RIPOR3: variants seen among roughly 807,000 people sequenced by gnomAD.
RIPOR3 encodes the protein family with sequence similarity 65 member C.
In RIPOR3, 95 loss-of-function variants were observed where a neutral mutation model predicts 114.3. The observed-to-expected ratio is 0.83, with a 90% CI of 0.70 to 0.99. The LOEUF is 0.99. RIPOR3 is among the 50% of genes least tolerant of loss of function. The pLI is 0.00. For synonymous variants in RIPOR3, 575 were observed against 543.8 expected (o/e 1.06, Z -0.80); for missense variants, 1,252 against 1,266.9 (o/e 0.99, Z 0.18).
chr20:50,616,056 A>T lies in RIPOR3; in HGVS notation c.294T>A (p.Ala98=), dbSNP rs778033390. ...GLKEYLCVQQ[A]ELDHLSGRHK... ...GGCGTCCAGACAGGTGGTCCAGCTCAGCCTGCTGCACACACAGATACTCCC... is the reference window on the plus strand; with the variant it reads ...GGCGTCCAGACAGGTGGTCCAGCTCTGCCTGCTGCACACACAGATACTCCC... The change falls in exon 4 of 22, where the codon GCT becomes GCA. Residue 98 remains alanine (A), a synonymous_variant. Coordinates refer to ENST00000327979, the MANE Select transcript of RIPOR3 (RefSeq NM_001290268.2). 6 of 1,611,980 alleles carry T rather than the reference A, an allele frequency of 3.7e-6. No homozygotes were observed. The East Asian group carries it at 1.3e-4, about 36-fold the overall frequency.
intron 6 of RIPOR3, among the ~76,000 whole-genome samples, chr20:50,609,938 T>A (rs6020634): frequency 2.0e-5 from 3 of 149,208 alleles, no homozygotes; most frequent in South Asian, 2.1e-4. Context: ...CACATCTGCC[T>A]CACCTGCCTC....
At chr20:50,622,674 C>T (rs1344671724) in intron 2 of RIPOR3, among the ~76,000 whole-genome samples, 2 of 151,492 alleles carry the variant, frequency 1.3e-5, no homozygotes, top group Non-Finnish European at 2.9e-5. Context: ...CCCTCATCCA[C>T]CCCTTGGCTC....
intron 1 of RIPOR3, among the ~76,000 whole-genome samples, chr20:50,641,375 C>T (rs962000432): frequency 5.3e-5 from 8 of 152,072 alleles, no homozygotes; most frequent in East Asian, 3.9e-4. Flanking sequence ...CCACTGCACC[C>T]GGCTAATTTT....
chr20:50,600,169 C>T (rs1401270223), intron 13 of RIPOR3, among the ~76,000 whole-genome samples: 1 of 152,150 alleles, frequency 6.6e-6, no homozygotes, highest in Non-Finnish European at 1.5e-5. Context: ...TCCCAAAGTG[C>T]TGGGATTACA....
intron 1 of RIPOR3, among the ~76,000 whole-genome samples, chr20:50,638,743 A>G (rs114461889): frequency 4.8e-4 from 73 of 152,176 alleles, no homozygotes; most frequent in African/African-American, 1.5e-3. Flanking sequence ...GGCCTCCAAG[A>G]AGCACAGGCT....
intron 2 of RIPOR3, chr20:50,620,636 TAAATAAATAAATAAATAAATAA>T (rs2084365158): frequency 1.5e-4 from 1 of 6,644 alleles, no homozygotes; most frequent in Non-Finnish European, 2.8e-4. Flanking sequence ...TAAAAATAAA[TAAATAAATAAATAAATAAATAA>T]ATAAATAAAT....
Position 50,604,768 on chromosome 20 carries a change from A to C in RIPOR3, c.963T>G (p.Phe321Leu), listed in dbSNP as rs1255141016. ...GTGACACCAGGAAGCTCTCAGTATC[A>C]AACGGGCTGGAGGAGAGAACAGAAG... is the stretch of plus-strand genomic sequence containing the variant. ...KLQLEVQWNP[F>L]DTESFLVSPS... The change falls in exon 12 of 22, where the codon TTT becomes TTG. Residue 321 changes from phenylalanine (F) to leucine (L), a missense_variant. By Grantham distance (22) the Phe-to-Leu change is conservative (BLOSUM62 0). Transcript: ENST00000327979. 1.9e-6 allele frequency: 3 copies of C among 1,608,230 alleles called. No homozygotes were observed. In the Admixed American group the frequency reaches 5.2e-5, roughly 28 times the overall value.
At chr20:50,685,930 G>T (rs2087005357) in intron 1 of RIPOR3, among the ~76,000 whole-genome samples, 1 of 151,866 alleles carries the variant, frequency 6.6e-6, no homozygotes, top group Non-Finnish European at 1.5e-5. Context: ...GACACCTGTT[G>T]GTTGAAAGAA....
chr20:50,622,457 C>T (rs1430298938), intron 2 of RIPOR3, among the ~76,000 whole-genome samples: 1 of 152,140 alleles, frequency 6.6e-6, no homozygotes, highest in Non-Finnish European at 1.5e-5. Flanking sequence ...ACTAGGATTA[C>T]AGGTGTGAGC....
At position 50,609,665 on chromosome 20, in the gene RIPOR3, T is replaced by C; in HGVS notation, c.484A>G (p.Ser162Gly). 7.2e-7 allele frequency: 1 copy of C among 1,394,290 alleles called. No homozygotes were observed. 86.4% of individuals were successfully genotyped at this position (1,394,290 alleles called of 1,614,324 possible). A position where few individuals can be genotyped will look rare whatever the true frequency, so the allele number is the denominator to read the frequency against. Reference sequence around the variant, plus strand: ...CACCGGGCGAAGGCCCGCTGCATGCTGGAGGCGCCGTCGCGCAGGCGGCAC... The same window carrying C: ...CACCGGGCGAAGGCCCGCTGCATGCCGGAGGCGCCGTCGCGCAGGCGGCAC... ...IQCRLRDGAS[S>G]MQRAFARCPP... Residue 162 changes from serine to glycine, a missense_variant, in exon 7 of 22, where the codon AGC becomes GGC. By Grantham distance (56) the Ser-to-Gly change is moderately conservative. Coordinates refer to ENST00000327979, the MANE Select transcript of RIPOR3 (RefSeq NM_001290268.2).
chr20:50,620,006 T>G lies in RIPOR3; in HGVS notation c.249A>C (p.Glu83Asp). Residue 83 changes from glutamate (E) to aspartate (D), a missense_variant, in exon 3 of 22, where the codon GAA becomes GAC. By Grantham distance (45) the Glu-to-Asp change is conservative. Transcript: ENST00000327979. ...PKPQQVKKIFEALKRGLKEYL... is the reference protein window; with the variant it reads ...PKPQQVKKIFDALKRGLKEYL... ...CTTACTTGAGGCCTCTTTTCAATGC[T>G]TCGAAGATCTTCTTCACCTGCTGGG... The G allele has an allele frequency of 6.2e-7, 1 of 1,612,966 alleles. No individual in the cohort carries two copies. The highest frequency in any genetic ancestry group is 2.2e-5 in the East Asian group (1 of 44,836).
At chr20:50,603,636 C>G (rs2083584007) in intron 12 of RIPOR3, among the ~76,000 whole-genome samples, 1 of 152,204 alleles carries the variant, frequency 6.6e-6, no homozygotes, top group Non-Finnish European at 1.5e-5. Context: ...AGGTTGCCGG[C>G]CCTATTCCAG....
chr20:50,646,850 A>C (rs1282942957), intron 1 of RIPOR3, among the ~76,000 whole-genome samples: 1 of 152,264 alleles, frequency 6.6e-6, no homozygotes, highest in Non-Finnish European at 1.5e-5. Context: ...TTATTTGCCA[A>C]ACATTCTTGC....
intron 1 of RIPOR3, among the ~76,000 whole-genome samples, chr20:50,665,523 C>T (rs1015957259): frequency 6.8e-6 from 1 of 146,758 alleles, no homozygotes; most frequent in Non-Finnish European, 1.5e-5. Flanking sequence ...CGGGTTCAAG[C>T]AATTCTCCTG....
intron 18 of RIPOR3, 35 bp from the exon 19 acceptor site, chr20:50,592,581 TGAATGGGA>T (rs2083149186): frequency 4.2e-6 from 6 of 1,436,514 alleles, no homozygotes; most frequent in Non-Finnish European, 5.5e-6. Flanking sequence ...CCAGGTCCCC[TGAATGGGA>T]GTTTGGCAGG....
intron 1 of RIPOR3, among the ~76,000 whole-genome samples, chr20:50,666,311 G>A (rs573443588): frequency 3.3e-4 from 49 of 149,184 alleles, no homozygotes; most frequent in Admixed American, 5.5e-4. Flanking sequence ...CGCAATCTCC[G>A]TCTCCCGGGT....
chr20:50,602,576 G>C lies in RIPOR3; in HGVS notation c.1155C>G (p.Ser385Arg). The C allele has an allele frequency of 6.5e-7, 1 of 1,529,352 alleles. No homozygotes were observed. The highest frequency in any genetic ancestry group is 8.8e-7 in the Non-Finnish European group (1 of 1,140,426). The allele number at this position is 1,529,352 out of a possible 1,614,324, so 94.7% of individuals were successfully genotyped here. The change falls in exon 13 of 22, where the codon AGC (serine) becomes AGG (arginine). Residue 385 changes from serine to arginine, a missense_variant. By Grantham distance (110) the Ser-to-Arg change is moderately radical (BLOSUM62 -1). Coordinates refer to ENST00000327979, the MANE Select transcript of RIPOR3 (RefSeq NM_001290268.2). This position sits in a 1 kb window ranked among gnomAD's most constrained non-coding sequence, Gnocchi z 4.3. ...CCCGGAGGTCGCTGTCAGACAGGTAGCTGAGGATGGAGGTGGCCCTTGGGC... is the reference window on the plus strand; with the variant it reads ...CCCGGAGGTCGCTGTCAGACAGGTACCTGAGGATGGAGGTGGCCCTTGGGC... Reference protein sequence around the residue: ...LGGPRATSILSYLSDSDLRGP... With the variant: ...LGGPRATSILRYLSDSDLRGP...
intron 1 of RIPOR3, among the ~76,000 whole-genome samples, chr20:50,676,149 T>C (rs16995395): frequency 0.023 from 3,451 of 152,214 alleles, 156 homozygotes; most frequent in African/African-American, 0.079. Flanking sequence ...GACACAAAAA[T>C]GTCAAAAATG....
At chr20:50,611,939 C>T (rs1277839708) in intron 4 of RIPOR3, among the ~76,000 whole-genome samples, 17 of 151,980 alleles carry the variant, frequency 1.1e-4, no homozygotes, top group Admixed American at 9.8e-4. Flanking sequence ...GCCTGGCCAA[C>T]GTGGCGAAAC....
Sources: allele counts gnomAD v4.1 joint callset (sites outside exome capture counted in the v4.1 genomes callset), GRCh38; gene constraint gnomAD v4.1.1; non-coding constraint Gnocchi (gnomAD v3.1); transcripts MANE v1.5; gene names NCBI Gene and HGNC (gene_info 2026-07-23, HGNC 2026-07-21).